SATB1: variants seen among roughly 807,000 people sequenced by gnomAD.
The protein encoded by SATB1 is SATB homeobox 1.
In SATB1, 11 loss-of-function variants were observed where a neutral mutation model predicts 86.9. The ratio of observed to expected loss-of-function variants is 0.13; its 90% CI spans 0.08 to 0.21. SATB1 has a LOEUF of 0.21. Among genes scored for constraint, SATB1 ranks in the 10% least tolerant of loss-of-function variants. The pLI is 1.00. For synonymous variants in SATB1, 357 were observed against 357.2 expected (o/e 1.00, Z 0.01); for missense variants, 551 against 937.6 (o/e 0.59, Z 5.39).
intron 9 of SATB1, among the ~76,000 whole-genome samples, chr3:18,364,233 A>G (rs145847418): frequency 5.6e-3 from 860 of 152,286 alleles, no homozygotes; most frequent in Middle Eastern, 0.01. Flanking sequence ...TTTTCAGAAC[A>G]GCGTTTTTAT....
rs71634841 is a variant in SATB1, at chr3:18,346,578, TTGTGTGTGTGTGTGTG to T, written c.*2576_*2591del. On this transcript the variant is annotated 3_prime_UTR_variant, in exon 11 of 11. Transcript: ENST00000338745. Reference sequence around the variant, plus strand: ...ATCCTATCAGTTTATTAACATGTGCTTGTGTGTGTGTGTGTGTGTGTGTGTGTGTATGTGTGGGCAT... The same window carrying T: ...ATCCTATCAGTTTATTAACATGTGCTTGTGTGTGTGTGTATGTGTGGGCAT... 6.7e-6 allele frequency: 1 copy of T among 149,530 alleles called. No homozygotes were observed. Among genetic ancestry groups the T allele is most frequent in the Admixed American group, 6.7e-5 (1 of 14,932 alleles). 9.3% of individuals were successfully genotyped at this position (149,530 alleles called of 1,614,324 possible). A position where few individuals can be genotyped will look rare whatever the true frequency, so the allele number is the denominator to read the frequency against.
Position 18,370,197 on chromosome 3 carries a change from G to A in SATB1, c.1575+7973C>T, listed in dbSNP as rs138861366. On this transcript the variant is annotated intron_variant, in intron 9 of 10. Transcript: ENST00000338745. ...TCTGCCAGAGAGGAGGAAATAAAAAGCAACAAAGCATATTTTGGAATGATA... is the reference window on the plus strand; with the variant it reads ...TCTGCCAGAGAGGAGGAAATAAAAAACAACAAAGCATATTTTGGAATGATA... Among the ~76,000 whole-genome samples, 782 of 152,180 alleles carry A rather than the reference G, an allele frequency of 5.1e-3. 10 individuals are homozygous for A. Among genetic ancestry groups the A allele is most frequent in the African/African-American group, 0.018 (743 of 41,518 alleles).
chr3:18,417,610 T>A (rs1358695454), intron 2 of SATB1: 1 of 677,280 alleles, frequency 1.5e-6, no homozygotes, highest in East Asian at 2.7e-5. Flanking sequence ...GTTCCACAAA[T>A]CATTTTCTTC....
intron 8 of SATB1, among the ~76,000 whole-genome samples, chr3:18,378,934 C>A (rs868800626): frequency 6.6e-6 from 1 of 152,166 alleles, no homozygotes; most frequent in Non-Finnish European, 1.5e-5. Flanking sequence ...GAATTTTACA[C>A]GTGCATGTCC....
chr3:18,368,237 T>C (rs1695286918), intron 9 of SATB1, among the ~76,000 whole-genome samples: 1 of 152,172 alleles, frequency 6.6e-6, no homozygotes, highest in Non-Finnish European at 1.5e-5. Flanking sequence ...AGGAATTGAA[T>C]CAAATATTCT....
chr3:18,434,264 G>C (rs1160034983), intron 2 of SATB1, among the ~76,000 whole-genome samples: 3 of 152,044 alleles, frequency 2.0e-5, no homozygotes, highest in Non-Finnish European at 2.9e-5. Flanking sequence ...CTGCAACCAA[G>C]TGTAAATGTA....
intron 1 of SATB1, among the ~76,000 whole-genome samples, chr3:18,437,046 A>G (rs1267226106): frequency 1.3e-5 from 2 of 152,188 alleles, no homozygotes; most frequent in Non-Finnish European, 2.9e-5. Context: ...ATAATCTTAG[A>G]ACTACCTCTG....
At chr3:18,355,032 G>A (rs111299577) in intron 9 of SATB1, among the ~76,000 whole-genome samples, 2,993 of 152,018 alleles carry the variant, frequency 0.02, 37 homozygotes, top group Middle Eastern at 0.051. Flanking sequence ...ATTATAAGTC[G>A]AAGCATGTCT....
intron 9 of SATB1, among the ~76,000 whole-genome samples, chr3:18,373,898 GTAC>G (rs772963268): frequency 2.0e-5 from 3 of 152,098 alleles, no homozygotes; most frequent in South Asian, 2.1e-4. Flanking sequence ...CAGCCAGAAA[GTAC>G]TACAACTCAG....
At chr3:18,445,312 T>TGCGCACCGCTCCC (rs992439924) in intron 1 of SATB1, 87 of 982,526 alleles carry the variant, frequency 8.9e-5, no homozygotes, top group Non-Finnish European at 1.0e-4. Flanking sequence ...CCGCCGCTGC[T>TGCGCACCGCTCCC]GCGCACCGCT....
rs944032599 is a variant in SATB1 at position 18,345,838 on chromosome 3, ACAAT to A, written c.*3328_*3331del. 1.3e-5 allele frequency: 2 copies of A among 152,120 alleles called. No individual in the cohort carries two copies. Among genetic ancestry groups the A allele is most frequent in the African/African-American group, 2.4e-5 (1 of 41,438 alleles). The allele number at this position is 152,120 out of a possible 1,614,324, so 9.4% of individuals were successfully genotyped here. On this transcript the variant is annotated 3_prime_UTR_variant, in exon 11 of 11. Transcript: ENST00000338745. ...TGTCTCATTTATTGAGAATATTGTG[ACAAT>A]CAAAGACCTTAATATCAGCCAGATG...
At chr3:18,400,785 A>C (rs916897973) in intron 5 of SATB1, among the ~76,000 whole-genome samples, 1 of 152,228 alleles carries the variant, frequency 6.6e-6, no homozygotes, top group Non-Finnish European at 1.5e-5. Context: ...AGTATCAGAT[A>C]AAATTTTCAA....
At chr3:18,364,047 A>G (rs948208474) in intron 9 of SATB1, among the ~76,000 whole-genome samples, 1 of 152,194 alleles carries the variant, frequency 6.6e-6, no homozygotes, top group Non-Finnish European at 1.5e-5. Context: ...TTGAAGAGCA[A>G]GCATACCAAA....
chr3:18,431,736 A>C (rs1218246381), intron 2 of SATB1, among the ~76,000 whole-genome samples: 1 of 152,214 alleles, frequency 6.6e-6, no homozygotes, highest in Non-Finnish European at 1.5e-5. Context: ...TGTATGAACC[A>C]GCAGTAGACC....
intron 5 of SATB1, among the ~76,000 whole-genome samples, chr3:18,413,395 A>C (rs1697961868): frequency 6.6e-6 from 1 of 152,136 alleles, no homozygotes. Flanking sequence ...TTGTCTGAAT[A>C]TACTTCCAAG....
At chr3:18,413,762 TAAC>T (rs1697985743) in intron 5 of SATB1, among the ~76,000 whole-genome samples, 1 of 152,088 alleles carries the variant, frequency 6.6e-6, no homozygotes. Flanking sequence ...AATGGACACT[TAAC>T]AATACAGAGA....
intron 5 of SATB1, among the ~76,000 whole-genome samples, chr3:18,406,916 T>A (rs756707856): frequency 5.9e-5 from 9 of 152,072 alleles, no homozygotes; most frequent in Non-Finnish European, 8.8e-5. Context: ...TACAAGATTG[T>A]TTAAGTCTGA....
rs1048519826 is a variant in SATB1, at chr3:18,444,806, A to C, written c.-25+712T>G. 13 of 257,658 alleles carry C rather than the reference A, an allele frequency of 5.0e-5. No individual in the cohort carries two copies. The highest frequency in any genetic ancestry group is 7.8e-5 in the Non-Finnish European group (13 of 166,540). The allele number at this position is 257,658 out of a possible 1,614,324, so 16.0% of individuals were successfully genotyped here. ...TCAAGTTGTCCTCTTTCCCCATACG[A>C]AGTGGGCGTTTAAAGGGGAGAGCGA... On this transcript the variant is annotated intron_variant, in intron 1 of 3. Transcript: ENST00000415069. This position sits in a 1 kb window ranked among gnomAD's most constrained non-coding sequence, Gnocchi z 5.1.
chr3:18,382,452 C>T (rs971645927), intron 8 of SATB1, among the ~76,000 whole-genome samples: 1 of 152,134 alleles, frequency 6.6e-6, no homozygotes, highest in African/African-American at 2.4e-5. Flanking sequence ...AAAGTATACC[C>T]TTACGGTAGA....
Sources: allele counts gnomAD v4.1 joint callset (sites outside exome capture counted in the v4.1 genomes callset), GRCh38; gene constraint gnomAD v4.1.1; non-coding constraint Gnocchi (gnomAD v3.1); transcripts MANE v1.5; gene names NCBI Gene and HGNC (gene_info 2026-07-23, HGNC 2026-07-21).